DLL3: variants seen among roughly 807,000 people sequenced by gnomAD.
DLL3 encodes the protein delta-like protein 3.
A neutral mutation model predicts 55.0 loss-of-function variants in DLL3; 49 were observed. The observed-to-expected ratio is 0.89, with a 90% CI of 0.71 to 1.13. The LOEUF (loss-of-function observed/expected upper bound fraction) is 1.13. Among genes scored for constraint, DLL3 ranks in the 50% most tolerant of loss-of-function variants. DLL3 has a pLI of 0.00. For synonymous variants in DLL3, 421 were observed against 385.2 expected (o/e 1.09, Z -1.09); for missense variants, 962 against 875.5 (o/e 1.10, Z -1.25).
chr19:39,500,429 C>T (rs543702279), intron 2 of DLL3, among the ~76,000 whole-genome samples, 186 bp from the exon 3 acceptor site: 1 of 145,004 alleles, frequency 6.9e-6, no homozygotes, highest in Non-Finnish European at 1.5e-5. Flanking sequence ...CTCCCCCCCC[C>T]CCCAAAAAAA....
At chr19:39,499,765 C>T (rs988975089) in intron 2 of DLL3, among the ~76,000 whole-genome samples, 13 of 152,138 alleles carry the variant, frequency 8.5e-5, no homozygotes, top group Non-Finnish European at 1.9e-4. Context: ...CCTACCTCTG[C>T]TCCTTGGGGA....
intron 6 of DLL3, among the ~76,000 whole-genome samples, chr19:39,506,211 CAAAAAAAAAAAAAAA>C (rs541216671): frequency 3.1e-4 from 17 of 54,534 alleles, no homozygotes; most frequent in African/African-American, 1.0e-3. Flanking sequence ...CACTCTGTCT[CAAAAAAAAAAAAAAA>C]AAAAAAAAAA....
chr19:39,507,016 C>T (rs536480700), intron 6 of DLL3, 23 bp from the exon 7 acceptor site: 197 of 1,532,202 alleles, frequency 1.3e-4, no homozygotes, highest in Middle Eastern at 4.4e-4. Context: ...GGACTGCGCC[C>T]TCTGATGCTC....
chr19:39,504,033 T>C, intron 4 of DLL3, 38 bp from the exon 5 acceptor site: 2 of 1,604,534 alleles, frequency 1.2e-6, no homozygotes, highest in Non-Finnish European at 1.7e-6. Flanking sequence ...TCCCCGACGT[T>C]GGTGTTCCCT....
In DLL3 at chr19:39,502,843, G is replaced by A. The variant is rs986488775; in HGVS notation, c.438G>A (p.Val146=). ...CCGCCTGGAGCCTGCTGGCGCGCGTGGCTGGCAGGCGGCGCTTGGCAGCCG... is the reference window on the plus strand; with the variant it reads ...CCGCCTGGAGCCTGCTGGCGCGCGTAGCTGGCAGGCGGCGCTTGGCAGCCG... The part of the protein sequence containing the change: ...GGPAWSLLAR[V]AGRRRLAAGG... Residue 146 remains valine, a synonymous_variant, in exon 4 of 9, where the codon GTG becomes GTA. Transcript: ENST00000356433. The A allele has an allele frequency of 4.2e-6, 6 of 1,419,430 alleles. No homozygotes were observed. Among genetic ancestry groups the A allele is most frequent in the Non-Finnish European group, 5.5e-6 (6 of 1,092,364 alleles). The allele number at this position is 1,419,430 out of a possible 1,614,324, so 87.9% of individuals were successfully genotyped here.
At chr19:39,502,544 C>CT (rs1319208353) in intron 3 of DLL3, among the ~76,000 whole-genome samples, 1 of 152,148 alleles carries the variant, frequency 6.6e-6, no homozygotes, top group Non-Finnish European at 1.5e-5. Flanking sequence ...GGATTTCAGG[C>CT]TTGAGCCACC....
In DLL3 at chr19:39,498,963, C is replaced by A. The variant is rs765434483; in HGVS notation, c.-12C>A. On this transcript the variant is annotated 5_prime_UTR_variant, in exon 1 of 9. Coordinates refer to ENST00000356433, the MANE Select transcript of DLL3 (RefSeq NM_203486.3). ...GCAGCTGCGACTCCCGAGACCCCCC[C>A]ACCAGAAGGCCATGGTCTCCCCACG... 9 of 1,613,928 alleles carry A rather than the reference C, an allele frequency of 5.6e-6. No homozygotes were observed. The East Asian group carries it at 1.1e-4, about 20-fold the overall frequency.
chr19:39,503,923 G>A, intron 4 of DLL3, 148 bp from the exon 5 acceptor site: 1 of 805,814 alleles, frequency 1.2e-6, no homozygotes, highest in East Asian at 2.7e-5. Context: ...GGCGGTCACA[G>A]TACCATCTAG....
Position 39,507,427 on chromosome 19 carries a change from T to G in DLL3, c.1482T>G (p.Pro494=), listed in dbSNP as rs2144764789. 6.3e-7 allele frequency: 1 copy of G among 1,593,136 alleles called. No homozygotes were observed. The highest frequency in any genetic ancestry group is 8.5e-7 in the Non-Finnish European group (1 of 1,171,350). The change falls in exon 7 of 9, where the codon CCT becomes CCG. Residue 494 remains proline (P), a synonymous_variant. Transcript: ENST00000356433. ...GGGACCCTCAGCGCTACCTTTTGCCTCCGGCTCTGGGACTGCTCGTGGCCG... is the reference window on the plus strand; with the variant it reads ...GGGACCCTCAGCGCTACCTTTTGCCGCCGGCTCTGGGACTGCTCGTGGCCG... ...RPGDPQRYLL[P]PALGLLVAAG... is the part of the protein sequence containing the mutation.
At position 39,508,141 on chromosome 19, in the gene DLL3, G is replaced by A. The variant is rs993856532; in HGVS notation, c.1759-111G>A. 9.3e-6 allele frequency: 15 copies of A among 1,613,828 alleles called. No individual in the cohort carries two copies. The African/African-American group carries it at 1.7e-4, about 19-fold the overall frequency. On this transcript the variant is annotated intron_variant, in intron 8 of 8. Coordinates refer to ENST00000356433, the MANE Select transcript of DLL3 (RefSeq NM_203486.3). ...TCTTTGAAAAACCTATGGGCTTGAGGAGGTCACGATGCCGACTCCGCCAGA... is the reference window on the plus strand; with the variant it reads ...TCTTTGAAAAACCTATGGGCTTGAGAAGGTCACGATGCCGACTCCGCCAGA...
Position 39,499,478 on chromosome 19 carries a change from G to A in DLL3, c.351+5G>A. ...CCCTTCCGGGACGCCTGGCCTGTAA[G>A]TGCTGCCCCCGGGGGACTCCCGGTG... On this transcript the variant is annotated splice_donor_5th_base_variant and intron_variant, in intron 2 of 8. Coordinates refer to ENST00000356433, the MANE Select transcript of DLL3 (RefSeq NM_203486.3). 2 of 1,587,158 alleles carry A rather than the reference G, an allele frequency of 1.3e-6. No homozygotes were observed. Among genetic ancestry groups the A allele is most frequent in the Non-Finnish European group, 1.7e-6 (2 of 1,174,526 alleles).
Position 39,499,437 on chromosome 19 carries a change from C to T in DLL3, c.315C>T (p.Asp105=), listed in dbSNP as rs747006042. Residue 105 remains aspartate, a synonymous_variant, in exon 2 of 9, where the codon GAC becomes GAT. Transcript: ENST00000356433. ...CCGCGCCTGATCTCCCACTGCCCGACGGCCTCTTGCAGGTGCCCTTCCGGG... is the reference window on the plus strand; with the variant it reads ...CCGCGCCTGATCTCCCACTGCCCGATGGCCTCTTGCAGGTGCCCTTCCGGG... The part of the protein sequence containing the change: ...GAPAPDLPLP[D]GLLQVPFRDA... The T allele has an allele frequency of 6.3e-7, 1 of 1,591,346 alleles. No homozygotes were observed. Among genetic ancestry groups the T allele is most frequent in the Non-Finnish European group, 8.5e-7 (1 of 1,176,526 alleles).
At chr19:39,503,972 C>A in intron 4 of DLL3, 99 bp from the exon 5 acceptor site, 1 of 1,176,124 alleles carries the variant, frequency 8.5e-7, no homozygotes, top group Non-Finnish European at 1.2e-6. Context: ...AGCAAGGTGG[C>A]TCAGGGAACG....
At position 39,505,229 on chromosome 19, in the gene DLL3, G is replaced by C. The variant is rs2079632724; in HGVS notation, c.871G>C (p.Glu291Gln). The C allele has an allele frequency of 6.2e-7, 1 of 1,613,790 alleles. No individual in the cohort carries two copies. The highest frequency in any genetic ancestry group is 1.3e-5 in the African/African-American group (1 of 74,908). ...CTCAAGTACTCTTGTCCCTGCCCAG[G>C]AGACACCCAGGTCCTTTGAATGCAC... ...NPCANGGSCS[E>Q]TPRSFECTCP... is the part of the protein sequence containing the mutation. The change falls in exon 6 of 9, where the codon GAG becomes CAG. Residue 291 changes from glutamate to glutamine, a missense_variant and splice_region_variant. Glu to Gln is a conservative substitution (Grantham distance 29). Coordinates refer to ENST00000356433, the MANE Select transcript of DLL3 (RefSeq NM_203486.3).
Position 39,502,865 on chromosome 19 carries a change from GC to G in DLL3, c.462del (p.Gly155GlufsTer86). On this transcript the variant is annotated frameshift_variant, in exon 4 of 9. Transcript: ENST00000356433. LOFTEE classifies it high-confidence loss of function. ...ARVAGRRRLA[A>X]GGPWARDIQR... ...CGTGGCTGGCAGGCGGCGCTTGGCA[GC>G]CGGAGGCCCGTGGGCCCGGGACATT... The G allele has an allele frequency of 7.1e-7, 1 of 1,417,306 alleles. No individual in the cohort carries two copies. The highest frequency in any genetic ancestry group is 1.5e-5 in the South Asian group (1 of 68,102). The allele number at this position is 1,417,306 out of a possible 1,614,324, so 87.8% of individuals were successfully genotyped here.
chr19:39,502,687 A>AC, intron 3 of DLL3, 128 bp from the exon 4 acceptor site: 1 of 1,188,164 alleles, frequency 8.4e-7, no homozygotes, highest in East Asian at 3.3e-5. Context: ...AGGTCCAAGG[A>AC]CCCCAGGGCT....
In DLL3 at chr19:39,507,528, T is replaced by C. The variant is rs1489251161; in HGVS notation, c.1583T>C (p.Leu528Ser). ...CACTCCCAGGATGCTGGGTCTCGCT[T>C]GCTGGCTGGGACCCCGGAGCCGTCA... ...RGHSQDAGSR[L>S]LAGTPEPSVH... The change falls in exon 7 of 9, where the codon TTG becomes TCG. Residue 528 changes from leucine to serine, a missense_variant. Leu to Ser is a moderately radical substitution (Grantham distance 145). Transcript: ENST00000356433. 4 of 1,605,080 alleles carry C rather than the reference T, an allele frequency of 2.5e-6. No individual in the cohort carries two copies. The highest frequency in any genetic ancestry group is 3.4e-6 in the Non-Finnish European group (4 of 1,176,662).
intron 3 of DLL3, 50 bp downstream of exon 3, chr19:39,500,722 A>C (rs201180653): frequency 6.5e-7 from 1 of 1,536,850 alleles, no homozygotes; most frequent in East Asian, 2.3e-5. Context: ...CCCACGTGAG[A>C]CACGGGGTTG....
chr19:39,499,233 C>T lies in DLL3; in HGVS notation c.111C>T (p.Phe37=). 4 of 1,551,414 alleles carry T rather than the reference C, an allele frequency of 2.6e-6. No homozygotes were observed. Among genetic ancestry groups the T allele is most frequent in the Non-Finnish European group, 3.5e-6 (4 of 1,153,534 alleles). ...TCTTCGAGCTGCAGATCCACTCTTTCGGGCCGGGTCCAGGCCCTGGGGCCC... is the reference window on the plus strand; with the variant it reads ...TCTTCGAGCTGCAGATCCACTCTTTTGGGCCGGGTCCAGGCCCTGGGGCCC... ...AGVFELQIHS[F]GPGPGPGAPR... Residue 37 remains phenylalanine, a synonymous_variant, in exon 2 of 9, where the codon TTC becomes TTT. Coordinates refer to ENST00000356433, the MANE Select transcript of DLL3 (RefSeq NM_203486.3).
Sources: allele counts gnomAD v4.1 joint callset (sites outside exome capture counted in the v4.1 genomes callset), GRCh38; gene constraint gnomAD v4.1.1; transcripts MANE v1.5; gene names NCBI Gene and HGNC (gene_info 2026-07-23, HGNC 2026-07-21).